KDR: variants seen among roughly 807,000 people sequenced by gnomAD.
KDR encodes kinase insert domain receptor.
Under a neutral mutation model 160.9 loss-of-function variants are expected in KDR, and 43 were observed. That is an observed-to-expected ratio of 0.27 (90% CI 0.21 to 0.34). KDR has a LOEUF of 0.34. KDR is among the 10% of genes least tolerant of loss of function. The pLI, the probability that KDR is intolerant of heterozygous loss-of-function variation, is 1.00. For missense variants in KDR, 1,469 were observed against 1,666.4 expected (o/e 0.88, Z 2.06); for synonymous variants, 617 against 600.1 (o/e 1.03, Z -0.41).
intron 1 of KDR, among the ~76,000 whole-genome samples, chr4:55,122,536 A>G (rs775493787): frequency 6.6e-6 from 1 of 152,220 alleles, no homozygotes; most frequent in East Asian, 1.9e-4. Context: ...CATCCAGTGC[A>G]TTGAATCTGA....
At chr4:55,101,777 C>T in intron 15 of KDR, 120 bp downstream of exon 15, 2 of 843,596 alleles carry the variant, frequency 2.4e-6, no homozygotes, top group Non-Finnish European at 3.9e-6. Flanking sequence ...TGTTAGTTTG[C>T]TGAGGATAAT....
intron 11 of KDR, 81 bp downstream of exon 11, chr4:55,106,606 C>G (rs1183638690): frequency 1.7e-5 from 18 of 1,039,848 alleles, no homozygotes; most frequent in Non-Finnish European, 2.7e-5. Flanking sequence ...GATTATTAAT[C>G]TCCAATATGC....
intron 2 of KDR, among the ~76,000 whole-genome samples, chr4:55,120,581 A>G (rs57404606): frequency 6.6e-6 from 1 of 152,188 alleles, no homozygotes; most frequent in South Asian, 2.1e-4. Context: ...CAGTAATATT[A>G]CCCACTAAAT....
In KDR at chr4:55,125,389, G is replaced by T; in HGVS notation, c.-96C>A. On this transcript the variant is annotated 5_prime_UTR_variant, in exon 1 of 30. Transcript: ENST00000263923. ...AAGGAGGCGCGGAGGTGGAACTCGC[G>T]GCACCCCGCAGCGCAGGACAGTTGA... The T allele has an allele frequency of 6.9e-7, 1 of 1,439,750 alleles. No homozygotes were observed. The highest frequency in any genetic ancestry group is 1.2e-5 in the South Asian group (1 of 82,122). 89.2% of individuals were successfully genotyped at this position (1,439,750 alleles called of 1,614,324 possible).
intron 2 of KDR, among the ~76,000 whole-genome samples, chr4:55,119,740 A>G (rs984701072): frequency 1.3e-5 from 2 of 152,156 alleles, no homozygotes; most frequent in Non-Finnish European, 1.5e-5. Flanking sequence ...GGAAGGAAGG[A>G]GGTGCAAGTA....
At chr4:55,090,207 T>C (rs1171043438) in intron 22 of KDR, 129 bp from the exon 23 acceptor site, 7 of 1,040,494 alleles carry the variant, frequency 6.7e-6, no homozygotes, top group East Asian at 2.5e-5. Context: ...TGGGTTAGTA[T>C]CTTTTATCAA....
Position 55,095,608 on chromosome 4 carries a change from C to T in KDR, c.2786G>A (p.Arg929Lys), listed in dbSNP as rs1355087765. 2 of 1,613,342 alleles carry T rather than the reference C, an allele frequency of 1.2e-6. No individual in the cohort carries two copies. Among genetic ancestry groups the T allele is most frequent in the Non-Finnish European group, 1.7e-6 (2 of 1,179,490 alleles). ...GGGGACAAATTCATTTCTCTTGCTC[C>T]TCAGGTAAGTGGACAGGTTTCCAAA... ...CKFGNLSTYL[R>K]SKRNEFVPYK... Residue 929 changes from arginine to lysine, a missense_variant, in exon 20 of 30, where the codon AGG becomes AAG. By Grantham distance (26) the Arg-to-Lys change is conservative. Coordinates refer to ENST00000263923, the MANE Select transcript of KDR (RefSeq NM_002253.4).
chr4:55,080,970 T>C (rs1443603233), intron 29 of KDR, among the ~76,000 whole-genome samples: 1 of 152,256 alleles, frequency 6.6e-6, no homozygotes, highest in African/African-American at 2.4e-5. Flanking sequence ...AAAAGTTACT[T>C]CAAATAATGA....
At chr4:55,104,538 A>C in intron 13 of KDR, 105 bp downstream of exon 13, 1 of 881,284 alleles carries the variant, frequency 1.1e-6, no homozygotes, top group Non-Finnish European at 1.8e-6. Flanking sequence ...ACCAGTTTAC[A>C]ACATAATCTC....
intron 2 of KDR, 130 bp from the exon 3 acceptor site, chr4:55,118,930 C>T: frequency 1.3e-6 from 1 of 776,688 alleles, no homozygotes; most frequent in Non-Finnish European, 2.2e-6. Flanking sequence ...TTCTACCGGC[C>T]AGGCATGGTG....
chr4:55,110,605 G>A (rs764934530), intron 8 of KDR, 39 bp from the exon 9 acceptor site: 5 of 1,612,070 alleles, frequency 3.1e-6, no homozygotes, highest in Non-Finnish European at 3.4e-6. Context: ...ATAGTCAAAG[G>A]ATTTGCTCTC....
intron 19 of KDR, 106 bp downstream of exon 19, chr4:55,096,123 T>G: frequency 2.8e-6 from 2 of 715,740 alleles, no homozygotes; most frequent in East Asian, 5.2e-5. Context: ...CCGCAAAGTA[T>G]TCTAAGCTAA....
At chr4:55,100,814 G>C (rs1466510566) in intron 15 of KDR, among the ~76,000 whole-genome samples, 1 of 151,760 alleles carries the variant, frequency 6.6e-6, no homozygotes, top group East Asian at 1.9e-4. Context: ...GAAATCCATC[G>C]ATCCCTTCTA....
intron 5 of KDR, 83 bp from the exon 6 acceptor site, chr4:55,114,348 G>C: frequency 6.9e-7 from 1 of 1,440,680 alleles, no homozygotes; most frequent in Non-Finnish European, 9.7e-7. Flanking sequence ...TTAAAGTAAT[G>C]CAACTTTAAA....
chr4:55,082,295 C>G (rs939470475), intron 28 of KDR, among the ~76,000 whole-genome samples: 8 of 152,222 alleles, frequency 5.3e-5, no homozygotes, highest in African/African-American at 1.9e-4. Flanking sequence ...GCTGTCTTCA[C>G]TATGACACTA....
At chr4:55,113,237 T>C in intron 7 of KDR, 67 bp downstream of exon 7, 1 of 1,517,134 alleles carries the variant, frequency 6.6e-7, no homozygotes, top group South Asian at 1.1e-5. Flanking sequence ...AATCACTAAG[T>C]GACCTAAATT....
At chr4:55,096,707 C>T (rs1720165420) in intron 18 of KDR, 1 of 325,392 alleles carries the variant, frequency 3.1e-6, no homozygotes, top group South Asian at 3.0e-5. Context: ...TCAGCACTTC[C>T]TCATAAGGAA....
Position 55,121,122 on chromosome 4 carries a change from T to A in KDR, c.136A>T (p.Asn46Tyr). ...IQKDILTIKA[N>Y]TTLQITCRGQ... The stretch of plus-strand genomic sequence containing the variant: ...CTGCAAGTAATTTGAAGAGTTGTAT[T>A]AGCCTTAATTGTAAGTATGTCTTTT... Residue 46 changes from asparagine to tyrosine, a missense_variant, in exon 2 of 30, where the codon AAT (asparagine) becomes TAT (tyrosine). Physicochemically the swap from Asn to Tyr is moderately radical, Grantham distance 143. This residue lies in a region of KDR where 792 missense variants were observed against 840.9 expected (regional missense o/e 0.94). Coordinates refer to ENST00000263923, the MANE Select transcript of KDR (RefSeq NM_002253.4). The A allele has an allele frequency of 6.2e-7, 1 of 1,613,054 alleles. No homozygotes were observed. Among genetic ancestry groups the A allele is most frequent in the South Asian group, 1.1e-5 (1 of 91,050 alleles).
intron 9 of KDR, among the ~76,000 whole-genome samples, 199 bp from the exon 10 acceptor site, chr4:55,108,092 G>A (rs934226934): frequency 6.6e-6 from 1 of 151,830 alleles, no homozygotes; most frequent in Non-Finnish European, 1.5e-5. Flanking sequence ...CAGGCATGGG[G>A]GCTTATGCCT....
Sources: gnomAD v4.1 joint callset for allele counts (sites outside exome capture counted in the v4.1 genomes callset) on GRCh38, gnomAD v4.1.1 for gene constraint, gnomAD v4.1.1 regional missense constraint, MANE v1.5 for transcripts, NCBI Gene and HGNC (gene_info 2026-07-23, HGNC 2026-07-21) for gene names.